Variants in VIM observed in about 807,000 individuals in gnomAD.
The protein encoded by VIM is vimentin.
In VIM, 18 loss-of-function variants were observed where a neutral mutation model predicts 50.3. That is an observed-to-expected ratio of 0.36 (90% CI 0.25 to 0.53). The LOEUF (loss-of-function observed/expected upper bound fraction) is 0.53. VIM is among the 20% of genes least tolerant of loss of function. VIM has a pLI of 0.91. For missense variants in VIM, 551 were observed against 614.7 expected (o/e 0.90, Z 1.10); for synonymous variants, 245 against 248.5 (o/e 0.99, Z 0.13).
In VIM at chr10:17,230,684, G is replaced by A; in HGVS notation, c.598G>A (p.Glu200Lys). 1 of 1,614,182 alleles carries A rather than the reference G, an allele frequency of 6.2e-7. No homozygotes were observed. Among genetic ancestry groups the A allele is most frequent in the Non-Finnish European group, 8.5e-7 (1 of 1,180,036 alleles). ...QEEMLQREEA[E>K]NTLQSFRQDV... is the part of the protein sequence containing the mutation. ...GGAGATGCTTCAGAGAGAGGAAGCC[G>A]AAAACACCCTGCAATCTTTCAGACA... The change falls in exon 3 of 10, where the codon GAA (glutamate) becomes AAA (lysine). Residue 200 changes from glutamate to lysine, a missense_variant. Transcript: ENST00000544301.
chr10:17,234,635 TAAGAGAG>T, intron 5 of VIM, 51 bp from the exon 6 acceptor site: 1 of 1,607,402 alleles, frequency 6.2e-7, no homozygotes, highest in Admixed American at 1.7e-5. Flanking sequence ...TTTTTTTTTC[TAAGAGAG>T]TCAAAAGACT....
chr10:17,234,979 C>A, intron 6 of VIM, 161 bp downstream of exon 6: 1 of 1,263,650 alleles, frequency 7.9e-7, no homozygotes, highest in Non-Finnish European at 1.1e-6. Context: ...TCATGGAACT[C>A]TTGAAGGTTT....
chr10:17,235,004 C>A, intron 6 of VIM, 165 bp from the exon 7 acceptor site: 1 of 1,169,442 alleles, frequency 8.6e-7, no homozygotes, highest in South Asian at 1.3e-5. Context: ...TTGCCTATAT[C>A]ATTGCTTCTA....
rs1309779134 is a variant in VIM at position 17,235,123 on chromosome 10, G to A, written c.1009-46G>A. The A allele has an allele frequency of 3.1e-6, 5 of 1,605,138 alleles. No homozygotes were observed. In the African/African-American group the frequency reaches 6.7e-5, roughly 21 times the overall value. On this transcript the variant is annotated intron_variant, in intron 6 of 9. Coordinates refer to ENST00000544301, the MANE Select transcript of VIM (RefSeq NM_003380.5). ...CTGTAAATGGTTCTGGGAACAGCTGGGTTTTTCTGAGAAATAACACCAGAC... is the reference window on the plus strand; with the variant it reads ...CTGTAAATGGTTCTGGGAACAGCTGAGTTTTTCTGAGAAATAACACCAGAC...
chr10:17,237,149 T>A (rs752593541), intron 9 of VIM, 81 bp from the exon 10 acceptor site: 29 of 1,273,062 alleles, frequency 2.3e-5, no homozygotes, highest in Non-Finnish European at 3.2e-5. Context: ...TTTAGCAGGA[T>A]TTTTATTTGC....
At chr10:17,235,560 GA>G in intron 7 of VIM, 171 bp downstream of exon 7, 4 of 803,520 alleles carry the variant, frequency 5.0e-6, no homozygotes, top group Non-Finnish European at 8.1e-6. Flanking sequence ...GTGACTTGCT[GA>G]AAAAGGGTTA....
intron 6 of VIM, 124 bp from the exon 7 acceptor site, chr10:17,235,045 C>A: frequency 8.0e-7 from 1 of 1,248,474 alleles, no homozygotes; most frequent in South Asian, 1.3e-5. Context: ...GCATTCTCCA[C>A]CTAAAATTAG....
rs1846913243 is a variant in VIM at position 17,237,492 on chromosome 10, T to C, written c.*221T>C. ...TTTACAGAAAAATCTTGTGCTAGAA[T>C]ACTTTTTAAAAGGTATTTTGAATAC... On this transcript the variant is annotated 3_prime_UTR_variant, in exon 10 of 10. Transcript: ENST00000544301. 1.9e-6 allele frequency: 1 copy of C among 537,788 alleles called. No homozygotes were observed. The highest frequency in any genetic ancestry group is 1.9e-5 in the African/African-American group (1 of 52,374). The allele number at this position is 537,788 out of a possible 1,614,324, so 33.3% of individuals were successfully genotyped here.
At chr10:17,235,606 C>G in intron 7 of VIM, 1 of 695,472 alleles carries the variant, frequency 1.4e-6, no homozygotes, top group Non-Finnish European at 2.4e-6. Flanking sequence ...ACCCATAACT[C>G]TGTCAAAGCC....
At chr10:17,236,147 CAG>C in intron 8 of VIM, 145 bp from the exon 9 acceptor site, 1 of 793,272 alleles carries the variant, frequency 1.3e-6, no homozygotes, top group Non-Finnish European at 2.2e-6. Context: ...GGTTTCCAAA[CAG>C]AGACTACCCT....
At position 17,237,378 on chromosome 10, in the gene VIM, G is replaced by A. The variant is rs112279926; in HGVS notation, c.*107G>A. 3.3e-4 allele frequency: 356 copies of A among 1,095,356 alleles called. 1 individual carries two copies. In the African/African-American group the frequency reaches 4.1e-3, roughly 13 times the overall value. The allele number at this position is 1,095,356 out of a possible 1,614,324, so 67.9% of individuals were successfully genotyped here. A position where few individuals can be genotyped will look rare whatever the true frequency, so the allele number is the denominator to read the frequency against. The stretch of plus-strand genomic sequence containing the variant: ...TGCCTTTCTGCAGTTTTTCAGGAGC[G>A]CAAGATAGATTTGGAATAGGAATAA... On this transcript the variant is annotated 3_prime_UTR_variant, in exon 10 of 10. Transcript: ENST00000544301.
chr10:17,229,447 T>A lies in VIM; in HGVS notation c.25T>A (p.Ser9Thr). Residue 9 changes from serine to threonine, a missense_variant, in exon 2 of 10, where the codon TCC (serine) becomes ACC (threonine). This residue lies in a region of VIM where 134 missense variants were observed against 126.4 expected (regional missense o/e 1.06). Coordinates refer to ENST00000544301, the MANE Select transcript of VIM (RefSeq NM_003380.5). ...CATGTCCACCAGGTCCGTGTCCTCG[T>A]CCTCCTACCGCAGGATGTTCGGCGG... Reference protein sequence around the residue: MSTRSVSSSSYRRMFGGPG... With the variant: MSTRSVSSTSYRRMFGGPG... The A allele has an allele frequency of 1.2e-6, 2 of 1,606,608 alleles. 1 individual carries two copies. Among genetic ancestry groups the A allele is most frequent in the South Asian group, 2.2e-5 (2 of 90,754 alleles).
intron 7 of VIM, 23 bp downstream of exon 7, chr10:17,235,412 C>T (rs778847025): frequency 6.6e-5 from 106 of 1,611,032 alleles, no homozygotes; most frequent in Non-Finnish European, 8.7e-5. Flanking sequence ...GACTTGGATG[C>T]GTGAACTAAT....
intron 3 of VIM, 115 bp downstream of exon 3, chr10:17,230,825 G>A: frequency 1.7e-6 from 2 of 1,196,532 alleles, no homozygotes; most frequent in Non-Finnish European, 2.5e-6. Flanking sequence ...AGGGCTGCGC[G>A]TAAAGCCCTC....
At chr10:17,235,537 TGAGA>T in intron 7 of VIM, 148 bp downstream of exon 7, 1 of 901,592 alleles carries the variant, frequency 1.1e-6, no homozygotes, top group East Asian at 2.6e-5. Context: ...GAATTTGAAT[TGAGA>T]GAGAGTAAGT....
intron 3 of VIM, among the ~76,000 whole-genome samples, chr10:17,232,974 G>A (rs1353738715): frequency 1.3e-5 from 2 of 152,208 alleles, no homozygotes; most frequent in African/African-American, 4.8e-5. Flanking sequence ...TTGAGACAGA[G>A]TGTCACTCTG....
chr10:17,233,301 A>G (rs1020129938), intron 3 of VIM: 5 of 408,736 alleles, frequency 1.2e-5, no homozygotes, highest in African/African-American at 1.0e-4. Context: ...GTCATGATTG[A>G]GTGCAGTTTA....
At chr10:17,234,590 A>G in intron 5 of VIM, 103 bp from the exon 6 acceptor site, 14 of 1,553,232 alleles carry the variant, frequency 9.0e-6, no homozygotes, top group Non-Finnish European at 1.2e-5. Flanking sequence ...AGAAATTTAA[A>G]CCTATACTGG....
Position 17,229,575 on chromosome 10 carries a change from C to T in VIM, c.153C>T (p.Ser51=), listed in dbSNP as rs1274240494. The T allele has an allele frequency of 6.2e-7, 1 of 1,608,344 alleles. No homozygotes were observed. The change falls in exon 2 of 10, where the codon AGC becomes AGT. Residue 51 remains serine (S), a synonymous_variant. Coordinates refer to ENST00000544301, the MANE Select transcript of VIM (RefSeq NM_003380.5). Reference sequence around the variant, plus strand: ...CGCTGCGCCCCAGCACCAGCCGCAGCCTCTACGCCTCGTCCCCGGGCGGCG... The same window carrying T: ...CGCTGCGCCCCAGCACCAGCCGCAGTCTCTACGCCTCGTCCCCGGGCGGCG... ...GSALRPSTSR[S]LYASSPGGVY...
Sources: gnomAD v4.1 joint callset for allele counts (sites outside exome capture counted in the v4.1 genomes callset) on GRCh38, gnomAD v4.1.1 for gene constraint, gnomAD v4.1.1 regional missense constraint, MANE v1.5 for transcripts, NCBI Gene and HGNC (gene_info 2026-07-23, HGNC 2026-07-21) for gene names.